Variants in ADARB2 observed in about 807,000 individuals in gnomAD.
The protein encoded by ADARB2 is inactive double-stranded RNA-specific editase B2.
In ADARB2, 25 loss-of-function variants were observed where a neutral mutation model predicts 62.2. The ratio of observed to expected loss-of-function variants is 0.40; its 90% CI spans 0.29 to 0.56. The LOEUF (loss-of-function observed/expected upper bound fraction) is 0.56, where lower values mean the gene tolerates loss of function less well. Ranked by LOEUF, ADARB2 falls within the 20% of genes least tolerant of loss-of-function variation. The pLI is 0.43. For synonymous variants in ADARB2, 572 were observed against 500.8 expected, an observed-to-expected ratio of 1.14 and a Z score of -1.90; for missense variants, 1,071 against 1,077.4, an observed-to-expected ratio of 0.99 and a Z score of 0.08.
chr10:1,213,328 CAGAG>C lies in ADARB2; in HGVS notation c.1682+3619_1682+3622del, dbSNP rs367575750. 1.8e-3 allele frequency among the ~76,000 whole-genome samples: 272 copies of C among 152,010 alleles called. 3 individuals are homozygous for C. The highest frequency in any genetic ancestry group is 4.0e-3 in the South Asian group (19 of 4,796). On this transcript the variant is annotated intron_variant, in intron 7 of 9. Transcript: ENST00000381312. ...AGAGACATAGAGACAGACGCAGAGA[CAGAG>C]AGAGGCCGAGAGCGAGAGGAGGAGG... is the stretch of plus-strand genomic sequence containing the variant.
chr10:1,582,184 C>T (rs1197874223), intron 1 of ADARB2, among the ~76,000 whole-genome samples: 2 of 151,838 alleles, frequency 1.3e-5, no homozygotes, highest in Non-Finnish European at 2.9e-5. Flanking sequence ...TAGATGAGCA[C>T]CTTGGGACAC....
intron 3 of ADARB2, among the ~76,000 whole-genome samples, chr10:1,283,497 A>T (rs1831387336): frequency 6.6e-6 from 1 of 152,242 alleles, no homozygotes; most frequent in African/African-American, 2.4e-5. Context: ...CCATCATGAG[A>T]ATAACTGGTG....
At chr10:1,660,967 C>A (rs535596751) in intron 1 of ADARB2, among the ~76,000 whole-genome samples, 1 of 152,154 alleles carries the variant, frequency 6.6e-6, no homozygotes, top group Non-Finnish European at 1.5e-5. Context: ...GATAAACCCC[C>A]CCTCTGACCA....
At chr10:1,329,958 T>C (rs1831913696) in intron 3 of ADARB2, among the ~76,000 whole-genome samples, 1 of 144,656 alleles carries the variant, frequency 6.9e-6, no homozygotes, top group Admixed American at 7.0e-5. Context: ...TTTTTTTCTC[T>C]TAAACACATT....
Position 1,222,769 on chromosome 10 carries a change from G to A in ADARB2, c.1514-5650C>T, listed in dbSNP as rs551636482. Among the ~76,000 whole-genome samples, 278 of 138,460 alleles carry A rather than the reference G, an allele frequency of 2.0e-3. 3 individuals carry two copies. Among genetic ancestry groups the A allele is most frequent in the African/African-American group, 5.6e-3 (192 of 34,370 alleles). 90.8% of individuals were successfully genotyped at this position (138,460 alleles called of 152,430 possible). A position where few individuals can be genotyped will look rare whatever the true frequency, so the allele number is the denominator to read the frequency against. On this transcript the variant is annotated intron_variant, in intron 6 of 9. Transcript: ENST00000381312. ...CTGAGGGCTCTGTTCTGTTCCATTG[G>A]TCTATATCTCTGTTTTGGTACCAGT...
chr10:1,420,963 G>T (rs4543904), intron 1 of ADARB2, among the ~76,000 whole-genome samples: 1 of 151,696 alleles, frequency 6.6e-6, no homozygotes, highest in Non-Finnish European at 1.5e-5. Context: ...TGCGCCGCTC[G>T]GTTCTCCTTC....
intron 1 of ADARB2, among the ~76,000 whole-genome samples, chr10:1,714,567 C>A (rs142396647): frequency 6.6e-6 from 1 of 152,200 alleles, no homozygotes; most frequent in Non-Finnish European, 1.5e-5. Context: ...GTAAAAGCTA[C>A]GCCTGGGTCC....
At chr10:1,317,761 GT>G (rs1831753338) in intron 3 of ADARB2, among the ~76,000 whole-genome samples, 1 of 142,060 alleles carries the variant, frequency 7.0e-6, no homozygotes, top group African/African-American at 2.6e-5. Context: ...CTGGGGGGGG[GT>G]GGGTCAGTTT....
At chr10:1,463,505 C>T (rs12572582) in intron 1 of ADARB2, among the ~76,000 whole-genome samples, 10 of 152,162 alleles carry the variant, frequency 6.6e-5, no homozygotes, top group African/African-American at 1.4e-4. Context: ...AAGAAGCGCG[C>T]GTATTCATCT....
chr10:1,254,894 T>G (rs1297112146), intron 4 of ADARB2, among the ~76,000 whole-genome samples: 2 of 152,228 alleles, frequency 1.3e-5, no homozygotes, highest in East Asian at 3.9e-4. Context: ...TACCTGAGCT[T>G]CAAAGAATGG....
At chr10:1,512,807 T>C (rs1207124685) in intron 1 of ADARB2, among the ~76,000 whole-genome samples, 1 of 152,208 alleles carries the variant, frequency 6.6e-6, no homozygotes. Context: ...GCAGGAGCTG[T>C]GTGCTGATCT....
chr10:1,503,730 G>A (rs1831796651), intron 1 of ADARB2, among the ~76,000 whole-genome samples: 1 of 152,028 alleles, frequency 6.6e-6, no homozygotes, highest in Non-Finnish European at 1.5e-5. Context: ...CATCCTCTTG[G>A]TGCTGACCTC....
At chr10:1,592,509 C>T (rs1476140545) in intron 1 of ADARB2, among the ~76,000 whole-genome samples, 9 of 17,428 alleles carry the variant, frequency 5.2e-4, no homozygotes, top group African/African-American at 1.4e-3. Flanking sequence ...ACCCAGCTTC[C>T]CTCGCCCAAG....
chr10:1,493,594 T>C (rs966013265), intron 1 of ADARB2, among the ~76,000 whole-genome samples: 1 of 152,254 alleles, frequency 6.6e-6, no homozygotes, highest in Non-Finnish European at 1.5e-5. Flanking sequence ...ATTCTTTCCT[T>C]AATTTACCAA....
chr10:1,694,888 G>A (rs1834719627), intron 1 of ADARB2, among the ~76,000 whole-genome samples: 1 of 152,104 alleles, frequency 6.6e-6, no homozygotes, highest in Non-Finnish European at 1.5e-5. Context: ...AGCAGAGGGG[G>A]CACCTGAGCC....
intron 1 of ADARB2, among the ~76,000 whole-genome samples, chr10:1,505,122 A>G (rs2131940709): frequency 6.6e-6 from 1 of 151,806 alleles, no homozygotes; most frequent in African/African-American, 2.4e-5. Context: ...CACACACAAC[A>G]TAGACATGCA....
chr10:1,598,808 T>A (rs1833372015), intron 1 of ADARB2, among the ~76,000 whole-genome samples: 1 of 152,150 alleles, frequency 6.6e-6, no homozygotes. Context: ...CAGACTGGAA[T>A]CCGCAGACAG....
In ADARB2 at chr10:1,682,310, G is replaced by A. The variant is rs569038322; in HGVS notation, c.100+54741C>T. Among the ~76,000 whole-genome samples, 10 of 152,308 alleles carry A rather than the reference G, an allele frequency of 6.6e-5. No homozygotes were observed. In the South Asian group the frequency reaches 2.1e-3, roughly 32 times the overall value. ...GGACCAGTGTCTGTGCCCCTCCCGGGTTTCCTCCCATGCTTCTGCAGAGCC... is the reference window on the plus strand; with the variant it reads ...GGACCAGTGTCTGTGCCCCTCCCGGATTTCCTCCCATGCTTCTGCAGAGCC... On this transcript the variant is annotated intron_variant, in intron 1 of 9. Coordinates refer to ENST00000381312, the MANE Select transcript of ADARB2 (RefSeq NM_018702.4).
intron 1 of ADARB2, chr10:1,675,466 G>A: frequency 1.0e-6 from 1 of 982,296 alleles, no homozygotes; most frequent in African/African-American, 1.8e-5. Context: ...ATGTTCTGGA[G>A]GTTTGGGTTT....
Sources: gnomAD v4.1 joint callset for allele counts (sites outside exome capture counted in the v4.1 genomes callset) on GRCh38, gnomAD v4.1.1 for gene constraint, MANE v1.5 for transcripts, NCBI Gene and HGNC (gene_info 2026-07-23, HGNC 2026-07-21) for gene names.